SOCS7: variants seen among roughly 807,000 people sequenced by gnomAD.
The protein encoded by SOCS7 is NAP-4.
A neutral mutation model predicts 58.9 loss-of-function variants in SOCS7; 18 were observed. That is an observed-to-expected ratio of 0.31 (90% CI 0.21 to 0.45). The LOEUF (loss-of-function observed/expected upper bound fraction) is 0.45, where lower values mean the gene tolerates loss of function less well. Among genes scored for constraint, SOCS7 ranks in the 20% least tolerant of loss-of-function variants. The pLI, the probability that SOCS7 is intolerant of heterozygous loss-of-function variation, is 1.00. For synonymous variants in SOCS7, 388 were observed against 364.3 expected (o/e 1.06, Z -0.74); for missense variants, 667 against 837.3 (o/e 0.80, Z 2.51).
intron 9 of SOCS7, 109 bp from the exon 10 acceptor site, chr17:38,399,404 G>A (rs570109339): frequency 6.6e-6 from 1 of 152,322 alleles, no homozygotes; most frequent in East Asian, 1.9e-4. Flanking sequence ...TCCAGGCTCC[G>A]TTCTCCTTTT....
intron 7 of SOCS7, among the ~76,000 whole-genome samples, chr17:38,387,133 G>GTGTATATATATATATA (rs1269515665): frequency 2.7e-5 from 2 of 73,484 alleles, no homozygotes; most frequent in Non-Finnish European, 2.4e-5. Context: ...ATATATGTAT[G>GTGTATATATATATATA]TATATATATA....
intron 5 of SOCS7, among the ~76,000 whole-genome samples, chr17:38,367,365 A>ATTTTGTT (rs887967131): frequency 1.4e-5 from 2 of 147,838 alleles, no homozygotes; most frequent in South Asian, 4.3e-4. Flanking sequence ...GCGCCCAGCC[A>ATTTTGTT]TTTTGTTTTT....
intron 7 of SOCS7, among the ~76,000 whole-genome samples, chr17:38,391,296 C>T (rs2144396267): frequency 6.6e-6 from 1 of 152,326 alleles, no homozygotes; most frequent in South Asian, 2.1e-4. Flanking sequence ...CCCTCTCACC[C>T]CTGCTCCCAC....
chr17:38,400,281 G>C lies in SOCS7; in HGVS notation c.*799G>C, dbSNP rs1037189181. 1.3e-5 allele frequency: 2 copies of C among 152,178 alleles called. No individual in the cohort carries two copies. Among genetic ancestry groups the C allele is most frequent in the African/African-American group, 4.8e-5 (2 of 41,432 alleles). 9.4% of individuals were successfully genotyped at this position (152,178 alleles called of 1,614,324 possible). A position where few individuals can be genotyped will look rare whatever the true frequency, so the allele number is the denominator to read the frequency against. On this transcript the variant is annotated 3_prime_UTR_variant, in exon 10 of 10. Transcript: ENST00000612932. ...CTGCTCTCAACCCATTGCCCCTTGA[G>C]ATAACTGTACATGTCACTCTGATCA...
intron 7 of SOCS7, among the ~76,000 whole-genome samples, chr17:38,385,930 A>G (rs2038062780): frequency 6.6e-6 from 1 of 152,182 alleles, no homozygotes; most frequent in African/African-American, 2.4e-5. Flanking sequence ...CTAAAATCCC[A>G]GCACTTTGGG....
chr17:38,385,053 C>T (rs1020377052), intron 7 of SOCS7, among the ~76,000 whole-genome samples: 1 of 151,330 alleles, frequency 6.6e-6, no homozygotes, highest in Non-Finnish European at 1.5e-5. Flanking sequence ...TCCGCCACCA[C>T]GCCCAGCTAA....
Position 38,352,129 on chromosome 17 carries a change from G to A in SOCS7, c.77G>A (p.Gly26Asp). ...ASYRVLSRLLGYGEAAPEPGP... is the reference protein window; with the variant it reads ...ASYRVLSRLLDYGEAAPEPGP... ...TACCGCGTCCTGAGCCGCCTCCTTG[G>A]CTATGGAGAGGCGGCCCCCGAGCCA... The change falls in exon 1 of 10, where the codon GGC becomes GAC. Residue 26 changes from glycine to aspartate, a missense_variant. This residue lies in a region of SOCS7 where 65 missense variants were observed against 51.0 expected (regional missense o/e 1.27). Transcript: ENST00000612932. This position sits in a 1 kb window ranked among gnomAD's most constrained non-coding sequence, Gnocchi z 5.5. The A allele has an allele frequency of 9.8e-7, 1 of 1,019,756 alleles. No individual in the cohort carries two copies. Among genetic ancestry groups the A allele is most frequent in the Non-Finnish European group, 1.3e-6 (1 of 797,414 alleles). The allele number at this position is 1,019,756 out of a possible 1,614,324, so 63.2% of individuals were successfully genotyped here.
Position 38,352,079 on chromosome 17 carries a change from C to A in SOCS7, c.27C>A (p.Gly9=). 2.6e-6 allele frequency: 1 copy of A among 390,020 alleles called. No individual in the cohort carries two copies. Among genetic ancestry groups the A allele is most frequent in the Non-Finnish European group, 3.9e-6 (1 of 255,370 alleles). 24.2% of individuals were successfully genotyped at this position (390,020 alleles called of 1,614,324 possible). A position where few individuals can be genotyped will look rare whatever the true frequency, so the allele number is the denominator to read the frequency against. Residue 9 remains glycine (G), a synonymous_variant, in exon 1 of 10, where the codon GGC becomes GGA. Coordinates refer to ENST00000612932, the MANE Select transcript of SOCS7 (RefSeq NM_014598.4). This position sits in a 1 kb window ranked among gnomAD's most constrained non-coding sequence, Gnocchi z 5.5. MQEAELRD[G]EAAAAAASYR... ...TGCAGGAGGCCGAGCTCCGGGATGG[C>A]GAGGCGGCGGCGGCGGCCGCTTCGT...
rs587720872 is a variant in SOCS7 at position 38,359,275 on chromosome 17, T to C, written c.981-2436T>C. ...GAGCCACTTTTATGAGCGGAGAAAC[T>C]GTGTGGCCATATCTTATTTTTATGT... On this transcript the variant is annotated intron_variant, in intron 1 of 9. Coordinates refer to ENST00000612932, the MANE Select transcript of SOCS7 (RefSeq NM_014598.4). 2.0e-5 allele frequency among the ~76,000 whole-genome samples: 3 copies of C among 152,290 alleles called. No homozygotes were observed. The South Asian group carries it at 6.2e-4, about 32-fold the overall frequency.
At chr17:38,394,075 G>A (rs1304730000) in intron 7 of SOCS7, among the ~76,000 whole-genome samples, 2 of 152,134 alleles carry the variant, frequency 1.3e-5, no homozygotes, top group Non-Finnish European at 2.9e-5. Flanking sequence ...ACCTTCCATA[G>A]CCCCTTTGTT....
At chr17:38,367,849 G>A (rs778111088) in intron 5 of SOCS7, 33 bp from the exon 6 acceptor site, 7 of 1,602,108 alleles carry the variant, frequency 4.4e-6, no homozygotes, top group Non-Finnish European at 6.0e-6. Flanking sequence ...TCTCTGTCCT[G>A]ATAACTAGTG....
At position 38,403,828 on chromosome 17, in the gene SOCS7, A is replaced by C. The variant is rs2038354739; in HGVS notation, c.*4346A>C. ...AGGAGGGAATGGATAAGTGATTTTT[A>C]TCTCTAATCGTCAACACAGCTGTTC... On this transcript the variant is annotated 3_prime_UTR_variant, in exon 10 of 10. Coordinates refer to ENST00000612932, the MANE Select transcript of SOCS7 (RefSeq NM_014598.4). 6.6e-6 allele frequency: 1 copy of C among 152,096 alleles called. No homozygotes were observed. The highest frequency in any genetic ancestry group is 6.6e-5 in the Admixed American group (1 of 15,266). 9.4% of individuals were successfully genotyped at this position (152,096 alleles called of 1,614,324 possible).
intron 1 of SOCS7, among the ~76,000 whole-genome samples, chr17:38,357,411 T>TA (rs1031921467): frequency 7.9e-5 from 12 of 151,880 alleles, no homozygotes; most frequent in South Asian, 2.1e-4. Flanking sequence ...CTCCTGGGCT[T>TA]AAAAAAAAAT....
At chr17:38,392,398 A>G (rs1350858686) in intron 7 of SOCS7, among the ~76,000 whole-genome samples, 1 of 152,222 alleles carries the variant, frequency 6.6e-6, no homozygotes, top group East Asian at 1.9e-4. Context: ...AATTACTTTT[A>G]TCTCTGAAAC....
chr17:38,368,575 C>T (rs774678345), intron 6 of SOCS7, among the ~76,000 whole-genome samples: 4 of 151,594 alleles, frequency 2.6e-5, no homozygotes, highest in Non-Finnish European at 4.4e-5. Flanking sequence ...GATCTCAGCT[C>T]ACTGCAACCT....
intron 7 of SOCS7, among the ~76,000 whole-genome samples, chr17:38,386,504 T>A (rs2038069926): frequency 6.6e-6 from 1 of 151,784 alleles, no homozygotes; most frequent in African/African-American, 2.4e-5. Flanking sequence ...TTTAGCAAGA[T>A]TATATAGGTA....
At chr17:38,394,752 T>C (rs1398897143) in intron 7 of SOCS7, among the ~76,000 whole-genome samples, 3 of 152,154 alleles carry the variant, frequency 2.0e-5, no homozygotes, top group African/African-American at 7.2e-5. Flanking sequence ...TCTCAGCTGT[T>C]ATGAGTGATG....
At chr17:38,383,733 G>A (rs544365030) in intron 7 of SOCS7, among the ~76,000 whole-genome samples, 54 of 152,088 alleles carry the variant, frequency 3.6e-4, no homozygotes, top group African/African-American at 1.3e-3. Context: ...TTTTAGAGAC[G>A]GGGTTTCACC....
In SOCS7 at chr17:38,352,444, A is replaced by G; in HGVS notation, c.392A>G (p.Gln131Arg). 6.9e-7 allele frequency: 1 copy of G among 1,458,808 alleles called. No homozygotes were observed. Among genetic ancestry groups the G allele is most frequent in the East Asian group, 2.6e-5 (1 of 39,026 alleles). The allele number at this position is 1,458,808 out of a possible 1,614,324, so 90.4% of individuals were successfully genotyped here. A position where few individuals can be genotyped will look rare whatever the true frequency, so the allele number is the denominator to read the frequency against. ...CAGTTGGCGGCTCTGGGGCTCGGGC[A>G]GCCGGCGGGGCCGGGGGTCAAGACA... Reference protein sequence around the residue: ...EAQLAALGLGQPAGPGVKTVG... With the variant: ...EAQLAALGLGRPAGPGVKTVG... The change falls in exon 1 of 10, where the codon CAG becomes CGG. Residue 131 changes from glutamine to arginine, a missense_variant. Gln to Arg is a conservative substitution (Grantham distance 43). Transcript: ENST00000612932. This position sits in a 1 kb window ranked among gnomAD's most constrained non-coding sequence, Gnocchi z 5.5.
Sources: allele counts gnomAD v4.1 joint callset (sites outside exome capture counted in the v4.1 genomes callset), GRCh38; gene constraint gnomAD v4.1.1; regional missense constraint gnomAD v4.1.1; non-coding constraint Gnocchi (gnomAD v3.1); transcripts MANE v1.5; gene names NCBI Gene and HGNC (gene_info 2026-07-23, HGNC 2026-07-21).